Variants in TMEFF2 observed in about 807,000 individuals in gnomAD.
The protein encoded by TMEFF2 is tomoregulin-2.
TMEFF2 carries 28 observed loss-of-function variants against 53.8 expected under a neutral mutation model. The observed-to-expected ratio is 0.52, with a 90% CI of 0.39 to 0.71. TMEFF2 has a LOEUF of 0.71. Among genes scored for constraint, TMEFF2 ranks in the 30% least tolerant of loss-of-function variants. The pLI is 0.00. For missense variants in TMEFF2, 353 were observed against 455.2 expected (o/e 0.78, Z 2.04); for synonymous variants, 162 against 166.3 (o/e 0.97, Z 0.20).
intron 5 of TMEFF2, chr2:192,044,295 A>G (rs778040842): frequency 2.6e-5 from 4 of 152,170 alleles, no homozygotes; most frequent in Non-Finnish European, 4.4e-5. Flanking sequence ...CAACTACTCT[A>G]TAGTTATTGG....
intron 5 of TMEFF2, among the ~76,000 whole-genome samples, chr2:192,039,525 G>A (rs1309115734): frequency 6.6e-6 from 1 of 152,074 alleles, no homozygotes; most frequent in East Asian, 1.9e-4. Flanking sequence ...TTATATAACA[G>A]CAATTTCTTT....
chr2:192,074,941 A>G (rs764071048), intron 4 of TMEFF2, among the ~76,000 whole-genome samples: 3 of 151,858 alleles, frequency 2.0e-5, no homozygotes, highest in Non-Finnish European at 4.4e-5. Context: ...TGGTGTGTCT[A>G]TGTGTGTTAT....
At chr2:192,175,575 C>T (rs1406001651) in intron 4 of TMEFF2, among the ~76,000 whole-genome samples, 1 of 151,218 alleles carries the variant, frequency 6.6e-6, no homozygotes, top group East Asian at 1.9e-4. Context: ...TTCTACATAT[C>T]CAACAATAAC....
At chr2:192,033,376 A>AG (rs1687193429) in intron 5 of TMEFF2, among the ~76,000 whole-genome samples, 1 of 152,226 alleles carries the variant, frequency 6.6e-6, no homozygotes, top group South Asian at 2.1e-4. Flanking sequence ...TATATGAATG[A>AG]GAACCTGGTG....
At chr2:191,973,120 CTA>C (rs1692696287) in intron 7 of TMEFF2, among the ~76,000 whole-genome samples, 2 of 152,230 alleles carry the variant, frequency 1.3e-5, no homozygotes, top group African/African-American at 4.8e-5. Context: ...AAAAATTAGA[CTA>C]TGCAGAAACA....
chr2:192,071,482 C>T (rs1019779928), intron 4 of TMEFF2, among the ~76,000 whole-genome samples: 1 of 151,760 alleles, frequency 6.6e-6, no homozygotes, highest in Non-Finnish European at 1.5e-5. Flanking sequence ...TCTTAGAAAC[C>T]TGAAACGTGT....
chr2:191,984,136 AGTAAT>A (rs1246612795), intron 7 of TMEFF2, among the ~76,000 whole-genome samples: 11 of 152,248 alleles, frequency 7.2e-5, no homozygotes, highest in Admixed American at 2.6e-4. Flanking sequence ...TTCTTTTTAA[AGTAAT>A]AAAGGGCACT....
chr2:192,090,956 A>T (rs935259886), intron 4 of TMEFF2, among the ~76,000 whole-genome samples: 10 of 152,160 alleles, frequency 6.6e-5, no homozygotes, highest in Admixed American at 2.0e-4. Context: ...TATTCCTGTC[A>T]CTAGGCATGC....
chr2:192,103,846 G>A (rs1436884509), intron 4 of TMEFF2, among the ~76,000 whole-genome samples: 2 of 151,752 alleles, frequency 1.3e-5, no homozygotes, highest in Non-Finnish European at 2.9e-5. Flanking sequence ...GTGTTTGAGA[G>A]AGTAGAGGGA....
intron 5 of TMEFF2, chr2:192,043,857 C>T (rs900895860): frequency 6.6e-6 from 1 of 152,232 alleles, no homozygotes; most frequent in Admixed American, 6.5e-5. Flanking sequence ...TTGAAAGACT[C>T]AGGGACGGGG....
chr2:191,973,014 A>T (rs1410713447), intron 7 of TMEFF2, among the ~76,000 whole-genome samples: 1 of 152,218 alleles, frequency 6.6e-6, no homozygotes, highest in Non-Finnish European at 1.5e-5. Flanking sequence ...CAGCTACGTG[A>T]TATCTAAAGT....
chr2:192,063,546 T>G (rs2105909276), intron 4 of TMEFF2, among the ~76,000 whole-genome samples: 1 of 152,038 alleles, frequency 6.6e-6, no homozygotes, highest in African/African-American at 2.4e-5. Context: ...TGGAATGATT[T>G]TCTATTAATG....
At position 191,950,016 on chromosome 2, in the gene TMEFF2, A is replaced by AT. The variant is rs553738867; in HGVS notation, c.*294dup. Reference sequence around the variant, plus strand: ...AGATACCGCAAATTTAAGAATGCCAATTTTTTCTCATCACTGAGTATTTAT... The same window carrying AT: ...AGATACCGCAAATTTAAGAATGCCAATTTTTTTCTCATCACTGAGTATTTAT... On this transcript the variant is annotated 3_prime_UTR_variant, in exon 10 of 10. Coordinates refer to ENST00000272771, the MANE Select transcript of TMEFF2 (RefSeq NM_016192.4). 2.2e-5 allele frequency: 25 copies of AT among 1,116,708 alleles called. No homozygotes were observed. The South Asian group carries it at 4.5e-4, about 20-fold the overall frequency. 69.2% of individuals were successfully genotyped at this position (1,116,708 alleles called of 1,614,324 possible). A position where few individuals can be genotyped will look rare whatever the true frequency, so the allele number is the denominator to read the frequency against.
chr2:191,977,780 G>C (rs189888740), intron 7 of TMEFF2, among the ~76,000 whole-genome samples: 1 of 152,186 alleles, frequency 6.6e-6, no homozygotes, highest in African/African-American at 2.4e-5. Context: ...GACTCAATGT[G>C]ATCTATTCTG....
chr2:191,961,958 C>T (rs990181852), intron 7 of TMEFF2, among the ~76,000 whole-genome samples: 1 of 152,028 alleles, frequency 6.6e-6, no homozygotes, highest in Non-Finnish European at 1.5e-5. Flanking sequence ...GACACAGACT[C>T]AAATAAAAAT....
At chr2:192,122,675 G>A (rs1689584251) in intron 4 of TMEFF2, among the ~76,000 whole-genome samples, 1 of 152,046 alleles carries the variant, frequency 6.6e-6, no homozygotes, top group African/African-American at 2.4e-5. Flanking sequence ...CTAATTTAGT[G>A]TAGAATAATA....
At chr2:192,162,687 A>G (rs985812911) in intron 4 of TMEFF2, among the ~76,000 whole-genome samples, 11 of 152,118 alleles carry the variant, frequency 7.2e-5, no homozygotes, top group South Asian at 4.2e-4. Context: ...TCTTAGGGGG[A>G]AAAAAAATTG....
Position 191,950,235 on chromosome 2 carries a change from C to T in TMEFF2, c.*76G>A. ...AAGGCAACATGTGTAGATCTCTTGT[C>T]TTATTCTTTTGTCTATAATACTGTA... On this transcript the variant is annotated 3_prime_UTR_variant, in exon 10 of 10. Transcript: ENST00000272771. The T allele has an allele frequency of 1.5e-6, 2 of 1,360,542 alleles. No homozygotes were observed. The highest frequency in any genetic ancestry group is 3.0e-5 in the East Asian group (1 of 33,878). 84.3% of individuals were successfully genotyped at this position (1,360,542 alleles called of 1,614,324 possible).
chr2:192,004,827 C>A (rs1686459957), intron 5 of TMEFF2, among the ~76,000 whole-genome samples: 1 of 152,116 alleles, frequency 6.6e-6, no homozygotes, highest in South Asian at 2.1e-4. Flanking sequence ...CATTATTATT[C>A]ATTCTGAGAG....
Sources: allele counts gnomAD v4.1 joint callset (sites outside exome capture counted in the v4.1 genomes callset), GRCh38; gene constraint gnomAD v4.1.1; transcripts MANE v1.5; gene names NCBI Gene and HGNC (gene_info 2026-07-23, HGNC 2026-07-21).